Variants in CYP4Z1 observed in about 807,000 individuals in gnomAD.
CYP4Z1 encodes the protein cytochrome P450 family 4 subfamily Z member 1.
A neutral mutation model predicts 54.2 loss-of-function variants in CYP4Z1; 41 were observed. That is an observed-to-expected ratio of 0.76 (90% CI 0.59 to 0.98). The LOEUF (loss-of-function observed/expected upper bound fraction) is 0.98. CYP4Z1 is among the 50% of genes least tolerant of loss of function. The probability of loss-of-function intolerance (pLI) is 0.00; values close to 1 mark genes in which losing one functional copy is unlikely to be tolerated. For missense variants in CYP4Z1, 513 were observed against 599.0 expected (o/e 0.86, Z 1.50); for synonymous variants, 163 against 206.2 (o/e 0.79, Z 1.79).
At chr1:47,104,947 G>C (rs1484638374) in intron 8 of CYP4Z1, among the ~76,000 whole-genome samples, 2 of 151,854 alleles carry the variant, frequency 1.3e-5, no homozygotes, top group South Asian at 4.2e-4. Flanking sequence ...TTTTGCTCTT[G>C]TTGCCCAGGC....
intron 11 of CYP4Z1, 53 bp from the exon 12 acceptor site, chr1:47,117,713 T>C: frequency 6.4e-7 from 1 of 1,552,658 alleles, no homozygotes; most frequent in South Asian, 1.2e-5. Context: ...GCGTATGTTG[T>C]TAATAATATA....
At chr1:47,058,152 T>G in the CYP4Z1 span, among the ~76,000 whole-genome samples, 22 of 152,128 alleles carry the variant, frequency 1.4e-4, no homozygotes, top group Non-Finnish European at 2.9e-4. Flanking sequence ...GGGCATCATA[T>G]TTTCTCTCTA....
At chr1:47,057,244 G>A in the CYP4Z1 span, among the ~76,000 whole-genome samples, 1 of 147,440 alleles carries the variant, frequency 6.8e-6, no homozygotes, top group Non-Finnish European at 1.5e-5. Context: ...GTTGAATATT[G>A]GCCCCCACTC....
chr1:47,117,723 A>G lies in CYP4Z1; in HGVS notation c.1350-43A>G, dbSNP rs780052048. On this transcript the variant is annotated intron_variant, in intron 11 of 11. Transcript: ENST00000334194. ...GATTGGCGTATGTTGTTAATAATAT[A>G]TAAATTCATTAGATGCCATGTTTTC... 7.0e-6 allele frequency: 11 copies of G among 1,576,712 alleles called. No homozygotes were observed. In the African/African-American group the frequency reaches 1.5e-4, roughly 22 times the overall value.
chr1:47,114,777 A>G (rs1260053768), intron 9 of CYP4Z1, among the ~76,000 whole-genome samples: 1 of 152,236 alleles, frequency 6.6e-6, no homozygotes, highest in Admixed American at 6.5e-5. Context: ...AAAGGCGATC[A>G]TTAAAAAGTC....
intron 6 of CYP4Z1, among the ~76,000 whole-genome samples, chr1:47,087,357 C>T (rs967422764): frequency 6.6e-6 from 1 of 152,118 alleles, no homozygotes; most frequent in African/African-American, 2.4e-5. Flanking sequence ...TGTTTGTATC[C>T]TCTTTTATTT....
At position 47,068,729 on chromosome 1, in the gene CYP4Z1, C is replaced by G; in HGVS notation, c.285C>G (p.Asp95Glu). The G allele has an allele frequency of 6.2e-7, 1 of 1,614,094 alleles. No homozygotes were observed. The highest frequency in any genetic ancestry group is 1.1e-5 in the South Asian group (1 of 91,074). ...GPFTMFFSVH[D>E]PDYAKILLKR... is the part of the protein sequence containing the mutation. ...TTACGATGTTCTTCAGTGTCCATGA[C>G]CCAGACTATGCCAAGATTCTCCTGA... The change falls in exon 2 of 12, where the codon GAC (aspartate) becomes GAG (glutamate). Residue 95 changes from aspartate (D) to glutamate (E), a missense_variant. Transcript: ENST00000334194.
upstream of CYP4Z1, among the ~76,000 whole-genome samples, chr1:47,065,726 A>T (rs900408765): frequency 1.3e-5 from 2 of 152,140 alleles, no homozygotes; most frequent in Non-Finnish European, 2.9e-5. Context: ...ACAAAAAATA[A>T]ATGAAATGAA....
Position 47,067,477 on chromosome 1 carries a change from G to C in CYP4Z1, c.-14G>C, listed in dbSNP as rs1398773387. 3.1e-6 allele frequency: 5 copies of C among 1,593,484 alleles called. No homozygotes were observed. Among genetic ancestry groups the C allele is most frequent in the Middle Eastern group, 1.7e-4 (1 of 5,988 alleles). On this transcript the variant is annotated 5_prime_UTR_variant, in exon 1 of 12. Transcript: ENST00000334194. ...TTCTCTCAGGCTCTCCAGAGCTCAG[G>C]ACCTCTGAGAAGAATGGAGCCCTCC... is the stretch of plus-strand genomic sequence containing the variant.
chr1:47,057,915 T>G, the CYP4Z1 span, among the ~76,000 whole-genome samples: 1 of 152,012 alleles, frequency 6.6e-6, no homozygotes, highest in Admixed American at 6.6e-5. Context: ...ATATAAAGAC[T>G]TTGGATTCTA....
chr1:47,077,107 T>C (rs1424162967), intron 2 of CYP4Z1, among the ~76,000 whole-genome samples: 4 of 151,908 alleles, frequency 2.6e-5, no homozygotes, highest in Admixed American at 2.0e-4. Flanking sequence ...ATAATTATAG[T>C]GTTGTTCAAG....
the CYP4Z1 span, among the ~76,000 whole-genome samples, chr1:47,055,826 C>T: frequency 6.6e-6 from 1 of 151,962 alleles, no homozygotes; most frequent in Non-Finnish European, 1.5e-5. Context: ...CTTTATTAGT[C>T]TTGCTAGCGG....
intron 11 of CYP4Z1, among the ~76,000 whole-genome samples, chr1:47,117,361 G>T (rs1023276266): frequency 1.3e-5 from 2 of 152,164 alleles, no homozygotes; most frequent in African/African-American, 4.8e-5. Flanking sequence ...TAGAGCCACA[G>T]TTTGCAGGTC....
At chr1:47,096,238 C>A (rs1644675779) in intron 7 of CYP4Z1, among the ~76,000 whole-genome samples, 2 of 152,100 alleles carry the variant, frequency 1.3e-5, no homozygotes, top group Non-Finnish European at 2.9e-5. Flanking sequence ...GGCAACATAG[C>A]AAGACCCCAA....
chr1:47,074,783 G>C (rs550125726), intron 2 of CYP4Z1: 1 of 490,258 alleles, frequency 2.0e-6, no homozygotes, highest in South Asian at 1.9e-5. Context: ...GCTTTGGCAG[G>C]CTTATCATAC....
chr1:47,077,970 G>A (rs1376577982), intron 2 of CYP4Z1, among the ~76,000 whole-genome samples: 3 of 151,816 alleles, frequency 2.0e-5, no homozygotes, highest in Non-Finnish European at 4.4e-5. Flanking sequence ...CTACTTTGGT[G>A]TTTAATTGAT....
chr1:47,087,920 G>C (rs1260779753), intron 6 of CYP4Z1, among the ~76,000 whole-genome samples: 2 of 152,086 alleles, frequency 1.3e-5, no homozygotes, highest in African/African-American at 4.8e-5. Flanking sequence ...GTTGAATTTT[G>C]TCAAAGGCCT....
chr1:47,056,631 T>C, the CYP4Z1 span, among the ~76,000 whole-genome samples: 5 of 152,246 alleles, frequency 3.3e-5, no homozygotes, highest in Admixed American at 2.6e-4. Flanking sequence ...ATATTTCAGA[T>C]AGTTAGCTCT....
intron 10 of CYP4Z1, among the ~76,000 whole-genome samples, chr1:47,115,992 T>C (rs1024895204): frequency 2.0e-5 from 3 of 152,206 alleles, no homozygotes; most frequent in African/African-American, 7.2e-5. Flanking sequence ...TTTTTAAGAT[T>C]TGAGCATATT....
Sources: gnomAD v4.1 joint callset for allele counts (sites outside exome capture counted in the v4.1 genomes callset) on GRCh38, gnomAD v4.1.1 for gene constraint, MANE v1.5 for transcripts, NCBI Gene and HGNC (gene_info 2026-07-23, HGNC 2026-07-21) for gene names.